The following PFKP variants were observed in gnomAD, a reference collection of about 807,000 sequenced individuals.
PFKP encodes the protein phosphofructokinase, platelet, also known as ATP-dependent 6-phosphofructokinase, platelet type.
PFKP carries 101 observed loss-of-function variants against 94.3 expected under a neutral mutation model. That is an observed-to-expected ratio of 1.07 (90% CI 0.91 to 1.26). The LOEUF is 1.26. Among genes scored for constraint, PFKP ranks in the 50% most tolerant of loss-of-function variants. The pLI is 0.00. For missense variants in PFKP, 1,145 were observed against 1,103.3 expected (o/e 1.04, Z -0.53); for synonymous variants, 573 against 432.6 (o/e 1.32, Z -4.03).
intron 13 of PFKP, among the ~76,000 whole-genome samples, chr10:3,114,963 C>A (rs902383346): frequency 2.0e-5 from 3 of 152,196 alleles, no homozygotes; most frequent in Non-Finnish European, 4.4e-5. Flanking sequence ...AGTCACCTAG[C>A]AAGAGATGGT....
At chr10:3,091,023 G>A (rs762085731) in intron 2 of PFKP, among the ~76,000 whole-genome samples, 4 of 152,084 alleles carry the variant, frequency 2.6e-5, no homozygotes, top group African/African-American at 4.8e-5. Flanking sequence ...GAACAGTGGC[G>A]TTTCTGCTGA....
chr10:3,088,571 G>A (rs1414371387), intron 2 of PFKP, among the ~76,000 whole-genome samples: 1 of 152,150 alleles, frequency 6.6e-6, no homozygotes, highest in Non-Finnish European at 1.5e-5. Context: ...TGCAGGGGTG[G>A]GTTTGATGCC....
At chr10:3,089,646 ATATT>A (rs1833894695) in intron 2 of PFKP, among the ~76,000 whole-genome samples, 1 of 150,002 alleles carries the variant, frequency 6.7e-6, no homozygotes. Context: ...TTTTGAATAT[ATATT>A]ATGTATATAT....
chr10:3,101,021 T>C, intron 3 of PFKP: 1 of 1,593,876 alleles, frequency 6.3e-7, no homozygotes, highest in African/African-American at 1.3e-5. Flanking sequence ...TTGTCTTTGG[T>C]TCCACGTGCA....
At chr10:3,087,949 G>T (rs1185682835) in intron 2 of PFKP, among the ~76,000 whole-genome samples, 1 of 143,864 alleles carries the variant, frequency 7.0e-6, no homozygotes, top group East Asian at 2.0e-4. Flanking sequence ...TCATCATTTT[G>T]CTGTTACAGA....
At chr10:3,108,907 C>T (rs1381249101) in intron 9 of PFKP, 114 bp downstream of exon 9, 15 of 772,892 alleles carry the variant, frequency 1.9e-5, no homozygotes, top group South Asian at 2.9e-5. Flanking sequence ...GAGAGATGCC[C>T]GCGGCCCGGC....
At chr10:3,119,465 T>C (rs7902685) in intron 15 of PFKP, among the ~76,000 whole-genome samples, 2,264 of 151,850 alleles carry the variant, frequency 0.015, 60 homozygotes, top group African/African-American at 0.049. Flanking sequence ...ATTAGCCGGG[T>C]GTGGTGGCAG....
At chr10:3,134,250 T>TAAACTGAACA (rs1838943285) in intron 19 of PFKP, among the ~76,000 whole-genome samples, 1 of 152,226 alleles carries the variant, frequency 6.6e-6, no homozygotes, top group Admixed American at 6.5e-5. Context: ...TGAAGATTGT[T>TAAACTGAACA]AGTTGACTTG....
chr10:3,093,680 G>T (rs1389498615), intron 2 of PFKP, among the ~76,000 whole-genome samples: 79 of 113,974 alleles, frequency 6.9e-4, no homozygotes, highest in African/African-American at 2.6e-3. Flanking sequence ...GTCTTGCTCT[G>T]TCACCCAGGC....
At chr10:3,124,729 A>C (rs1331606688) in intron 16 of PFKP, among the ~76,000 whole-genome samples, 1 of 152,076 alleles carries the variant, frequency 6.6e-6, no homozygotes, top group African/African-American at 2.4e-5. Flanking sequence ...CTTTGCCTTT[A>C]AGTGTCCTGA....
At chr10:3,107,394 C>A in intron 8 of PFKP, 85 bp downstream of exon 8, 1 of 771,684 alleles carries the variant, frequency 1.3e-6, no homozygotes, top group Non-Finnish European at 2.2e-6. Flanking sequence ...TGGTTTAGAA[C>A]ATTGAATTAT....
At chr10:3,135,650 T>G in intron 20 of PFKP, 86 bp from the exon 21 acceptor site, 1 of 807,290 alleles carries the variant, frequency 1.2e-6, no homozygotes, top group South Asian at 1.6e-5. Flanking sequence ...CTGAGGAATC[T>G]CAGTTCTCAT....
intron 1 of PFKP, among the ~76,000 whole-genome samples, chr10:3,081,872 G>C (rs1217491994): frequency 6.6e-6 from 1 of 151,724 alleles, no homozygotes; most frequent in African/African-American, 2.4e-5. Context: ...CTCAAGGGGG[G>C]CCTCCCTTTA....
chr10:3,067,711 C>T lies in PFKP; in HGVS notation c.112+4C>T. On this transcript the variant is annotated splice_donor_region_variant and intron_variant, in intron 1 of 21. Transcript: ENST00000381125. Reference sequence around the variant, plus strand: ...ACCAGCGGCGGGGATGCTCAAGGTGCGCGCCCCCCTCCCGGCGGCGAGGGA... The same window carrying T: ...ACCAGCGGCGGGGATGCTCAAGGTGTGCGCCCCCCTCCCGGCGGCGAGGGA... 31 of 1,453,180 alleles carry T rather than the reference C, an allele frequency of 2.1e-5. No individual in the cohort carries two copies. The highest frequency in any genetic ancestry group is 2.8e-5 in the Non-Finnish European group (30 of 1,088,208). The allele number at this position is 1,453,180 out of a possible 1,614,324, so 90.0% of individuals were successfully genotyped here. A position where few individuals can be genotyped will look rare whatever the true frequency, so the allele number is the denominator to read the frequency against.
At position 3,120,041 on chromosome 10, in the gene PFKP, C is replaced by A; in HGVS notation, c.1680C>A (p.Thr560=). The A allele has an allele frequency of 1.2e-6, 2 of 1,613,946 alleles. No homozygotes were observed. The highest frequency in any genetic ancestry group is 1.7e-6 in the Non-Finnish European group (2 of 1,179,966). The change falls in exon 16 of 22, where the codon ACC becomes ACA. Residue 560 remains threonine (T), a synonymous_variant. Coordinates refer to ENST00000381125, the MANE Select transcript of PFKP (RefSeq NM_002627.5). ...CAGACACCGCCCTGAACACTATCAC[C>A]GACGTAAGTCCGTGTGCGCCCTGCC... ...IGADTALNTI[T]DTCDRIKQSA...
At chr10:3,131,326 C>T (rs1050569572) in intron 17 of PFKP, among the ~76,000 whole-genome samples, 1 of 151,948 alleles carries the variant, frequency 6.6e-6, no homozygotes, top group African/African-American at 2.4e-5. Context: ...AGTCACCTAG[C>T]AATGCATTTC....
chr10:3,100,055 TG>T (rs370966310), intron 3 of PFKP, among the ~76,000 whole-genome samples: 5,276 of 120,992 alleles, frequency 0.044, 249 homozygotes, highest in African/African-American at 0.16. Flanking sequence ...TGTAGGTGTG[TG>T]GTGTGTGTGT....
intron 1 of PFKP, among the ~76,000 whole-genome samples, chr10:3,080,994 T>C (rs559830455): frequency 6.6e-6 from 1 of 152,358 alleles, no homozygotes; most frequent in Non-Finnish European, 1.5e-5. Flanking sequence ...CTGAGTTTGA[T>C]GTTCTTGAGA....
intron 1 of PFKP, among the ~76,000 whole-genome samples, chr10:3,082,022 G>T (rs1833124256): frequency 9.1e-6 from 1 of 109,912 alleles, no homozygotes; most frequent in Admixed American, 1.3e-4. Context: ...AGTGGTAGTT[G>T]GTGATGTGAT....
Sources: gnomAD v4.1 joint callset for allele counts (sites outside exome capture counted in the v4.1 genomes callset) on GRCh38, gnomAD v4.1.1 for gene constraint, MANE v1.5 for transcripts, NCBI Gene and HGNC (gene_info 2026-07-23, HGNC 2026-07-21) for gene names.